Variants in CUX2 observed in about 807,000 individuals in gnomAD.
The protein encoded by CUX2 is cut like homeobox 2.
A neutral mutation model predicts 144.8 loss-of-function variants in CUX2; 40 were observed. The ratio of observed to expected loss-of-function variants is 0.28; its 90% CI spans 0.21 to 0.36. The LOEUF (loss-of-function observed/expected upper bound fraction) is 0.36, where lower values mean the gene tolerates loss of function less well. Among genes scored for constraint, CUX2 ranks in the 10% least tolerant of loss-of-function variants. The pLI, the probability that CUX2 is intolerant of heterozygous loss-of-function variation, is 1.00. For missense variants in CUX2, 1,615 were observed against 1,994.0 expected, an observed-to-expected ratio of 0.81 and a Z score of 3.62; for synonymous variants, 827 against 875.6, an observed-to-expected ratio of 0.94 and a Z score of 0.98.
Position 111,214,310 on chromosome 12 carries a change from G to T in CUX2, c.174G>T (p.Glu58Asp). 1.3e-6 allele frequency: 2 copies of T among 1,532,930 alleles called. No individual in the cohort carries two copies. The highest frequency in any genetic ancestry group is 1.7e-4 in the Middle Eastern group (1 of 5,878). 95.0% of individuals were successfully genotyped at this position (1,532,930 alleles called of 1,614,324 possible). ...LRREFKKNVPEEIREMVAPVL... is the reference protein window; with the variant it reads ...LRREFKKNVPDEIREMVAPVL... The stretch of plus-strand genomic sequence containing the variant: ...GGGAATTTAAGAAAAATGTACCTGA[G>T]GTATGGTATATTTGCCGTTATAGAA... Residue 58 changes from glutamate to aspartate, a missense_variant and splice_region_variant, in exon 2 of 22, where the codon GAG becomes GAT. Glu to Asp is a conservative substitution (Grantham distance 45). Coordinates refer to ENST00000261726, the MANE Select transcript of CUX2 (RefSeq NM_015267.4).
chr12:111,308,240 C>G (rs1311178998), intron 12 of CUX2, 45 bp from the exon 13 acceptor site: 1 of 1,612,308 alleles, frequency 6.2e-7, no homozygotes, highest in African/African-American at 1.3e-5. Flanking sequence ...TCTCCTCCAG[C>G]CCGGGGGCTG....
chr12:111,203,650 A>G (rs1298229618), intron 1 of CUX2, among the ~76,000 whole-genome samples: 1 of 152,110 alleles, frequency 6.6e-6, no homozygotes, highest in Non-Finnish European at 1.5e-5. Flanking sequence ...CACGAATCAT[A>G]TGGGACCTTG....
intron 1 of CUX2, among the ~76,000 whole-genome samples, chr12:111,158,607 C>A (rs530133523): frequency 6.6e-6 from 1 of 151,804 alleles, no homozygotes; most frequent in Non-Finnish European, 1.5e-5. Flanking sequence ...TTTGAAAGCC[C>A]GGAGCATCTG....
chr12:111,086,605 A>G (rs1356003622), intron 1 of CUX2, among the ~76,000 whole-genome samples: 1 of 152,200 alleles, frequency 6.6e-6, no homozygotes, highest in African/African-American at 2.4e-5. Flanking sequence ...CTTTTAGGAC[A>G]TCAAATTGAC....
chr12:111,121,542 A>G (rs1874693679), intron 1 of CUX2, among the ~76,000 whole-genome samples: 1 of 151,710 alleles, frequency 6.6e-6, no homozygotes, highest in South Asian at 2.1e-4. Flanking sequence ...ACACCCAGCT[A>G]GTAGAGGTGG....
chr12:111,103,193 G>A (rs895518219), intron 1 of CUX2, among the ~76,000 whole-genome samples: 2 of 152,142 alleles, frequency 1.3e-5, no homozygotes, highest in African/African-American at 4.8e-5. Flanking sequence ...CTCAACCAAT[G>A]CTTGTTGGAT....
intron 1 of CUX2, among the ~76,000 whole-genome samples, chr12:111,080,624 A>G (rs1345667851): frequency 6.6e-6 from 1 of 152,088 alleles, no homozygotes; most frequent in East Asian, 1.9e-4. Flanking sequence ...GGCTGCAGTG[A>G]TCGTACCACT....
At chr12:111,251,302 GT>G (rs1883549042) in intron 3 of CUX2, among the ~76,000 whole-genome samples, 1 of 152,156 alleles carries the variant, frequency 6.6e-6, no homozygotes, top group Admixed American at 6.5e-5. Context: ...CCTGGAAATT[GT>G]TTTTCCCCCA....
chr12:111,127,108 C>A (rs1875133088), intron 1 of CUX2, among the ~76,000 whole-genome samples: 1 of 152,178 alleles, frequency 6.6e-6, no homozygotes, highest in South Asian at 2.1e-4. Flanking sequence ...TAATATGTAT[C>A]TTTATACACA....
At chr12:111,296,369 T>G in intron 7 of CUX2, 104 bp from the exon 8 acceptor site, 1 of 974,702 alleles carries the variant, frequency 1.0e-6, no homozygotes, top group Non-Finnish European at 1.5e-6. Flanking sequence ...GAGCTCTCAT[T>G]CTGCCTGCTG....
At chr12:111,142,327 AGTG>A (rs1237318011) in intron 1 of CUX2, among the ~76,000 whole-genome samples, 1 of 152,176 alleles carries the variant, frequency 6.6e-6, no homozygotes, top group Non-Finnish European at 1.5e-5. Context: ...GGCAATGTAC[AGTG>A]GCATAAAAGA....
intron 21 of CUX2, among the ~76,000 whole-genome samples, chr12:111,342,706 C>G (rs766257055): frequency 2.0e-5 from 3 of 151,922 alleles, no homozygotes; most frequent in Non-Finnish European, 4.4e-5. Context: ...CACCTGTAAT[C>G]CCAACACTTT....
chr12:111,233,367 G>A (rs1467797178), intron 3 of CUX2, among the ~76,000 whole-genome samples: 2 of 152,154 alleles, frequency 1.3e-5, no homozygotes, highest in East Asian at 3.9e-4. Context: ...ACAGACAAAG[G>A]TTCTTATTTA....
At chr12:111,203,459 C>T (rs769258953) in intron 1 of CUX2, among the ~76,000 whole-genome samples, 14 of 151,026 alleles carry the variant, frequency 9.3e-5, no homozygotes, top group Non-Finnish European at 1.6e-4. Flanking sequence ...GTGGGAGGAT[C>T]GCTTGAGCCC....
At chr12:111,329,979 C>T (rs962017354) in intron 18 of CUX2, among the ~76,000 whole-genome samples, 9 of 151,416 alleles carry the variant, frequency 5.9e-5, no homozygotes, top group African/African-American at 2.2e-4. Context: ...CCCTCTCCTG[C>T]TGCCGACAGT....
At chr12:111,102,586 G>A (rs1390503341) in intron 1 of CUX2, among the ~76,000 whole-genome samples, 1 of 152,238 alleles carries the variant, frequency 6.6e-6, no homozygotes, top group Non-Finnish European at 1.5e-5. Flanking sequence ...CAGGCCTTGT[G>A]CTGAAACAGC....
chr12:111,153,703 A>G (rs1171010701), intron 1 of CUX2, among the ~76,000 whole-genome samples: 1 of 152,188 alleles, frequency 6.6e-6, no homozygotes, highest in Non-Finnish European at 1.5e-5. Context: ...GAGACAGACC[A>G]TAAGCAAACA....
intron 1 of CUX2, among the ~76,000 whole-genome samples, chr12:111,049,679 G>T (rs1047934996): frequency 6.6e-6 from 1 of 152,284 alleles, no homozygotes; most frequent in South Asian, 2.1e-4. Context: ...GTAGAGGGTG[G>T]GTGGTCTCAG....
chr12:111,344,995 C>G (rs994121732), intron 21 of CUX2, among the ~76,000 whole-genome samples: 12 of 152,194 alleles, frequency 7.9e-5, no homozygotes, highest in Non-Finnish European at 1.8e-4. Context: ...TCTAGAACTC[C>G]TGACCTCAAG....
Sources: gnomAD v4.1 joint callset for allele counts (sites outside exome capture counted in the v4.1 genomes callset) on GRCh38, gnomAD v4.1.1 for gene constraint, MANE v1.5 for transcripts, NCBI Gene and HGNC (gene_info 2026-07-23, HGNC 2026-07-21) for gene names.